ACVRL1: variants seen among roughly 807,000 people sequenced by gnomAD.
ACVRL1 encodes activin receptor type-1-like.
Under a neutral mutation model 51.9 loss-of-function variants are expected in ACVRL1, and 20 were observed. The ratio of observed to expected loss-of-function variants is 0.39; its 90% CI spans 0.27 to 0.56. The LOEUF (loss-of-function observed/expected upper bound fraction) is 0.56. Ranked by LOEUF, ACVRL1 falls within the 20% of genes least tolerant of loss-of-function variation. The probability of loss-of-function intolerance (pLI) is 0.67; values close to 1 mark genes in which losing one functional copy is unlikely to be tolerated. For missense variants in ACVRL1, 451 were observed against 670.3 expected, an observed-to-expected ratio of 0.67 and a Z score of 3.61; for synonymous variants, 288 against 280.9, an observed-to-expected ratio of 1.03 and a Z score of -0.25.
At chr12:51,919,353 A>C in intron 9 of ACVRL1, 1 of 581,142 alleles carries the variant, frequency 1.7e-6, no homozygotes, top group Non-Finnish European at 3.1e-6. Context: ...GTCAGAGGCT[A>C]TCTGTGGCTC....
intron 2 of ACVRL1, among the ~76,000 whole-genome samples, chr12:51,912,801 G>A (rs914216934): frequency 6.6e-6 from 1 of 152,120 alleles, no homozygotes; most frequent in African/African-American, 2.4e-5. Flanking sequence ...GAGAGCAGGT[G>A]TTGGCAGGCC....
chr12:51,915,893 C>A, intron 7 of ACVRL1, 143 bp from the exon 8 acceptor site: 1 of 868,006 alleles, frequency 1.2e-6, no homozygotes, highest in South Asian at 1.7e-5. Context: ...CTCTCTGTGG[C>A]CACTGCCTTC....
intron 1 of ACVRL1, among the ~76,000 whole-genome samples, chr12:51,911,868 G>A (rs1940696784): frequency 6.6e-6 from 1 of 152,166 alleles, no homozygotes; most frequent in Admixed American, 6.5e-5. Context: ...CAGACCTTGT[G>A]GCTGCTGCAG....
intron 1 of ACVRL1, among the ~76,000 whole-genome samples, chr12:51,909,747 C>T (rs1426619756): frequency 6.6e-6 from 1 of 152,164 alleles, no homozygotes; most frequent in Non-Finnish European, 1.5e-5. Flanking sequence ...ATCTCTGAGC[C>T]TCACTTTCCC....
Position 51,912,544 on chromosome 12 carries a change from T to TG in ACVRL1, c.61+14dup. ...GGCCTTGGTGACCCAGGGTGAGTAC[T>TG]GGGGGAGCAGTTAGGAAACAGGAAC... On this transcript the variant is annotated intron_variant, in intron 2 of 9. Transcript: ENST00000388922. 1 of 1,606,696 alleles carries TG rather than the reference T, an allele frequency of 6.2e-7. No homozygotes were observed. Among genetic ancestry groups the TG allele is most frequent in the African/African-American group, 1.3e-5 (1 of 74,860 alleles).
intron 9 of ACVRL1, among the ~76,000 whole-genome samples, 172 bp from the exon 10 acceptor site, chr12:51,920,587 C>T (rs1424847373): frequency 6.6e-6 from 1 of 151,558 alleles, no homozygotes; most frequent in Non-Finnish European, 1.5e-5. Flanking sequence ...CTCTCATCTC[C>T]CTCCTCTCAT....
chr12:51,910,995 A>G (rs1016954787), intron 1 of ACVRL1, among the ~76,000 whole-genome samples: 6 of 152,124 alleles, frequency 3.9e-5, no homozygotes, highest in African/African-American at 1.4e-4. Flanking sequence ...TTGGGTCTTC[A>G]TTTGGCACCA....
Position 51,917,905 on chromosome 12 carries a change from T to C in ACVRL1, c.1247-1080T>C, listed in dbSNP as rs1940877268. On this transcript the variant is annotated intron_variant, in intron 8 of 9. Coordinates refer to ENST00000388922, the MANE Select transcript of ACVRL1 (RefSeq NM_000020.3). This position sits in a 1 kb window ranked among gnomAD's most constrained non-coding sequence, Gnocchi z 4.2. ...GACTCGCGGCGCATTATAAACACTG[T>C]AATCTGGTGTCAGCCCCGGCACTGA... Among the ~76,000 whole-genome samples, 2 of 152,124 alleles carry C rather than the reference T, an allele frequency of 1.3e-5. No individual in the cohort carries two copies. The highest frequency in any genetic ancestry group is 4.8e-5 in the African/African-American group (2 of 41,408).
At chr12:51,915,630 C>T in intron 7 of ACVRL1, 130 bp downstream of exon 7, 1 of 1,256,568 alleles carries the variant, frequency 8.0e-7, no homozygotes, top group Non-Finnish European at 1.1e-6. Flanking sequence ...TTTCAGTTCT[C>T]CTCCGCAAGA....
chr12:51,910,933 T>G (rs1940676442), intron 1 of ACVRL1, among the ~76,000 whole-genome samples: 1 of 152,226 alleles, frequency 6.6e-6, no homozygotes, highest in Non-Finnish European at 1.5e-5. Flanking sequence ...GAGAGGCCTA[T>G]GAAGCCCCCC....
At chr12:51,914,120 A>G (rs770457633) in intron 5 of ACVRL1, 47 bp downstream of exon 5, 1 of 1,585,574 alleles carries the variant, frequency 6.3e-7, no homozygotes, top group Non-Finnish European at 8.6e-7. Flanking sequence ...GGCTCTCATG[A>G]GCCTGGAGGG....
intron 9 of ACVRL1, among the ~76,000 whole-genome samples, chr12:51,919,545 A>G (rs1376914816): frequency 6.6e-6 from 1 of 151,932 alleles, no homozygotes; most frequent in Non-Finnish European, 1.5e-5. Flanking sequence ...AGTGCACACC[A>G]CCACACCTGG....
At position 51,919,311 on chromosome 12, in the gene ACVRL1, G is replaced by A. The variant is rs1276031356; in HGVS notation, c.1377+196G>A. The A allele has an allele frequency of 4.8e-5, 37 of 774,574 alleles. 1 individual carries two copies. The South Asian group carries it at 5.3e-4, about 11-fold the overall frequency. 48.0% of individuals were successfully genotyped at this position (774,574 alleles called of 1,614,324 possible). A position where few individuals can be genotyped will look rare whatever the true frequency, so the allele number is the denominator to read the frequency against. On this transcript the variant is annotated intron_variant, in intron 9 of 9. Coordinates refer to ENST00000388922, the MANE Select transcript of ACVRL1 (RefSeq NM_000020.3). Reference sequence around the variant, plus strand: ...CCCCAGGGCCATCTGGTCATTCTGGGATTTTAAGAACCTTCACCTTCCCTG... The same window carrying A: ...CCCCAGGGCCATCTGGTCATTCTGGAATTTTAAGAACCTTCACCTTCCCTG...
intron 3 of ACVRL1, 51 bp downstream of exon 3, chr12:51,913,401 T>C (rs1940743814): frequency 1.3e-6 from 2 of 1,488,488 alleles, no homozygotes; most frequent in African/African-American, 1.4e-5. Flanking sequence ...GCCCCTGCCC[T>C]CCCTTCCCTC....
intron 8 of ACVRL1, 73 bp downstream of exon 8, chr12:51,916,306 A>G (rs1047484623): frequency 2.0e-6 from 3 of 1,533,334 alleles, no homozygotes; most frequent in African/African-American, 1.4e-5. Flanking sequence ...AGCCATGGCC[A>G]GTGCCCATGG....
At position 51,920,815 on chromosome 12, in the gene ACVRL1, C is replaced by G. The variant is rs1940956389; in HGVS notation, c.1434C>G (p.Ala478=). The G allele has an allele frequency of 1.9e-6, 3 of 1,614,052 alleles. No homozygotes were observed. Among genetic ancestry groups the G allele is most frequent in the Non-Finnish European group, 2.5e-6 (3 of 1,180,024 alleles). The change falls in exon 10 of 10, where the codon GCC becomes GCG. Residue 478 remains alanine (A), a synonymous_variant. Coordinates refer to ENST00000388922, the MANE Select transcript of ACVRL1 (RefSeq NM_000020.3). The part of the protein sequence containing the change: ...MRECWYPNPS[A]RLTALRIKKT... ...AGTGCTGGTACCCAAACCCCTCTGC[C>G]CGACTCACCGCGCTGCGGATCAAGA...
rs146367891 is a variant in ACVRL1, at chr12:51,913,996, C to A, written c.548C>A (p.Thr183Asn). The A allele has an allele frequency of 6.2e-7, 1 of 1,613,742 alleles. No individual in the cohort carries two copies. Among genetic ancestry groups the A allele is most frequent in the African/African-American group, 1.3e-5 (1 of 75,040 alleles). The change falls in exon 5 of 10, where the codon ACC (threonine) becomes AAC (asparagine). Residue 183 changes from threonine to asparagine, a missense_variant. By Grantham distance (65) the Thr-to-Asn change is moderately conservative. This residue lies in a region of ACVRL1 where 259 missense variants were observed against 453.4 expected (regional missense o/e 0.57). Coordinates refer to ENST00000388922, the MANE Select transcript of ACVRL1 (RefSeq NM_000020.3). ...MLGDLLDSDC[T>N]TGSGSGLPFL... ...CAGGACCTCCTGGACAGTGACTGCA[C>A]CACAGGGAGTGGCTCAGGGCTCCCC...
In ACVRL1 at chr12:51,913,159, G is replaced by T; in HGVS notation, c.122G>T (p.Cys41Phe). The T allele has an allele frequency of 6.2e-7, 1 of 1,605,430 alleles. No homozygotes were observed. The stretch of plus-strand genomic sequence containing the variant: ...ACCTGCACGTGTGAGAGCCCACATT[G>T]CAAGGGGCCTACCTGCCGGGGGGCC... ...LVTCTCESPH[C>F]KGPTCRGAWC... Residue 41 changes from cysteine to phenylalanine, a missense_variant, in exon 3 of 10, where the codon TGC becomes TTC. By Grantham distance (205) the Cys-to-Phe change is radical. Coordinates refer to ENST00000388922, the MANE Select transcript of ACVRL1 (RefSeq NM_000020.3).
chr12:51,913,967 C>T lies in ACVRL1; in HGVS notation c.526-7C>T, dbSNP rs772776468. 1.3e-5 allele frequency: 21 copies of T among 1,612,556 alleles called. No individual in the cohort carries two copies. In the South Asian group the frequency reaches 2.0e-4, roughly 15 times the overall value. On this transcript the variant is annotated splice_polypyrimidine_tract_variant and splice_region_variant and intron_variant, in intron 4 of 9. Coordinates refer to ENST00000388922, the MANE Select transcript of ACVRL1 (RefSeq NM_000020.3). ...GCAGCCTCTCAGTGGCCTCTCCGTA[C>T]CCCCAGGACCTCCTGGACAGTGACT...
Sources: allele counts gnomAD v4.1 joint callset (sites outside exome capture counted in the v4.1 genomes callset), GRCh38; gene constraint gnomAD v4.1.1; regional missense constraint gnomAD v4.1.1; non-coding constraint Gnocchi (gnomAD v3.1); transcripts MANE v1.5; gene names NCBI Gene and HGNC (gene_info 2026-07-23, HGNC 2026-07-21).